The following SCP2 variants were observed in gnomAD, a reference collection of about 807,000 sequenced individuals.
The protein encoded by SCP2 is SCP-2/3-oxoacyl-CoA thiolase.
Under a neutral mutation model 71.4 loss-of-function variants are expected in SCP2, and 48 were observed. That is an observed-to-expected ratio of 0.67 (90% CI 0.53 to 0.86). SCP2 has a LOEUF of 0.86. Among genes scored for constraint, SCP2 ranks in the 40% least tolerant of loss-of-function variants. The probability of loss-of-function intolerance (pLI) is 0.00; values close to 1 mark genes in which losing one functional copy is unlikely to be tolerated. For synonymous variants in SCP2, 220 were observed against 218.1 expected (o/e 1.01, Z -0.08); for missense variants, 560 against 655.6 (o/e 0.85, Z 1.59).
intron 3 of SCP2, among the ~76,000 whole-genome samples, chr1:52,948,460 C>T (rs1045316653): frequency 1.3e-5 from 2 of 151,986 alleles, no homozygotes; most frequent in Admixed American, 6.6e-5. Flanking sequence ...CTGGCTAATA[C>T]GGTGAAACCC....
chr1:52,980,565 G>T (rs766981547), intron 10 of SCP2, 22 bp downstream of exon 10: 1 of 1,603,310 alleles, frequency 6.2e-7, no homozygotes, highest in East Asian at 2.2e-5. Flanking sequence ...GAATAGGGCA[G>T]ATTAATTCAG....
chr1:52,953,701 A>G (rs1655526187), intron 4 of SCP2, among the ~76,000 whole-genome samples: 1 of 151,794 alleles, frequency 6.6e-6, no homozygotes, highest in Non-Finnish European at 1.5e-5. Flanking sequence ...TTTTTCTGTT[A>G]TTAAAAACTT....
Position 53,047,955 on chromosome 1 carries a change from T to G in SCP2, c.1548+18T>G. 1.3e-6 allele frequency: 2 copies of G among 1,548,368 alleles called. No individual in the cohort carries two copies. Among genetic ancestry groups the G allele is most frequent in the South Asian group, 2.2e-5 (2 of 89,762 alleles). On this transcript the variant is annotated intron_variant, in intron 15 of 15. Transcript: ENST00000371514. ...CTCAGTCGGTAAGTATGATGGAGCT[T>G]ATATCCTGCTAGTAGGTAGGTCTTT...
intron 10 of SCP2, among the ~76,000 whole-genome samples, chr1:52,986,404 A>G (rs1658987852): frequency 6.6e-6 from 1 of 152,228 alleles, no homozygotes; most frequent in African/African-American, 2.4e-5. Flanking sequence ...CTAGAGCCTC[A>G]GAGCAATTTC....
chr1:52,940,535 A>G, intron 1 of SCP2: 1 of 154,488 alleles, frequency 6.5e-6, no homozygotes, highest in Middle Eastern at 5.2e-4. Context: ...ATTACTTATT[A>G]GCTCTATGCC....
intron 6 of SCP2, among the ~76,000 whole-genome samples, chr1:52,972,347 G>A (rs571105743): frequency 9.0e-4 from 137 of 152,296 alleles, no homozygotes; most frequent in African/African-American, 3.0e-3. Context: ...TCAGTGGCCA[G>A]GCTTAATAAA....
rs1200663958 is a variant in SCP2 at position 52,970,968 on chromosome 1, ATTTTTTT to A, written c.524-3782_524-3776del. ...TTTTAGAGGCTATAGAGAGACACAG[ATTTTTTT>A]TTTTTTTTTTTTTTTTTTGAGACAG... On this transcript the variant is annotated intron_variant, in intron 6 of 15. Coordinates refer to ENST00000371514, the MANE Select transcript of SCP2 (RefSeq NM_002979.5). 8.3e-4 allele frequency among the ~76,000 whole-genome samples: 59 copies of A among 70,956 alleles called. 1 individual carries two copies. Among genetic ancestry groups the A allele is most frequent in the African/African-American group, 2.9e-3 (40 of 13,816 alleles). The allele number at this position is 70,956 out of a possible 152,430, so 46.5% of individuals were successfully genotyped here. A position where few individuals can be genotyped will look rare whatever the true frequency, so the allele number is the denominator to read the frequency against.
chr1:52,960,106 G>A (rs1456929632), intron 5 of SCP2, among the ~76,000 whole-genome samples: 1 of 151,884 alleles, frequency 6.6e-6, no homozygotes, highest in Admixed American at 6.6e-5. Context: ...TGGCCAGGCT[G>A]GCCTCAAACT....
At chr1:53,048,146 G>T (rs180995960) in intron 15 of SCP2, 223 of 541,768 alleles carry the variant, frequency 4.1e-4, no homozygotes, top group Admixed American at 1.5e-3. Flanking sequence ...AAGTTCCCAC[G>T]CTCAGGGCAT....
At chr1:52,940,902 G>T (rs567063442) in intron 1 of SCP2, among the ~76,000 whole-genome samples, 1 of 152,118 alleles carries the variant, frequency 6.6e-6, no homozygotes, top group African/African-American at 2.4e-5. Flanking sequence ...GGCGTATACC[G>T]CCATGCCTGG....
At position 53,050,798 on chromosome 1, in the gene SCP2, T is replaced by A. The variant is rs1664153625; in HGVS notation, c.*94T>A. 1 of 897,988 alleles carries A rather than the reference T, an allele frequency of 1.1e-6. No homozygotes were observed. The allele number at this position is 897,988 out of a possible 1,614,324, so 55.6% of individuals were successfully genotyped here. A position where few individuals can be genotyped will look rare whatever the true frequency, so the allele number is the denominator to read the frequency against. Reference sequence around the variant, plus strand: ...TCAGAATTTAGACTGAAACTACACATTGGCAAATAGCGTGGGATAGATTTG... The same window carrying A: ...TCAGAATTTAGACTGAAACTACACAATGGCAAATAGCGTGGGATAGATTTG... On this transcript the variant is annotated 3_prime_UTR_variant, in exon 16 of 16. Transcript: ENST00000371514.
intron 11 of SCP2, among the ~76,000 whole-genome samples, chr1:52,988,953 G>T (rs764796672): frequency 6.6e-6 from 1 of 152,044 alleles, no homozygotes; most frequent in Non-Finnish European, 1.5e-5. Flanking sequence ...CAGCCTCCCA[G>T]AGTGCTGGGA....
At chr1:52,994,001 GA>G in intron 11 of SCP2, 2 of 1,228,000 alleles carry the variant, frequency 1.6e-6, no homozygotes, top group Non-Finnish European at 2.1e-6. Flanking sequence ...AATTTGTAAA[GA>G]AAATTTGTTT....
chr1:52,974,629 G>A, intron 6 of SCP2, 140 bp from the exon 7 acceptor site: 1 of 701,570 alleles, frequency 1.4e-6, no homozygotes, highest in Non-Finnish European at 2.7e-6. Flanking sequence ...AGGGAACAGT[G>A]CTGAAGTCTT....
At chr1:52,955,073 T>G (rs967832358) in intron 5 of SCP2, among the ~76,000 whole-genome samples, 1 of 152,228 alleles carries the variant, frequency 6.6e-6, no homozygotes, top group African/African-American at 2.4e-5. Context: ...TAAATGAAAT[T>G]CATTCAACAA....
intron 7 of SCP2, among the ~76,000 whole-genome samples, chr1:52,975,191 A>AT (rs887769979): frequency 3.4e-5 from 5 of 147,432 alleles, no homozygotes; most frequent in Admixed American, 3.4e-4. Context: ...TATTATTATT[A>AT]TTTTTTTTAG....
chr1:52,978,496 T>C (rs1658187209), intron 9 of SCP2, 129 bp downstream of exon 9: 3 of 757,492 alleles, frequency 4.0e-6, no homozygotes, highest in African/African-American at 3.5e-5. Flanking sequence ...TATTTTAAGT[T>C]GACTATGCCT....
At position 52,955,972 on chromosome 1, in the gene SCP2, TG is replaced by T. The variant is rs749530709; in HGVS notation, c.396+1169del. On this transcript the variant is annotated intron_variant, in intron 5 of 15. Coordinates refer to ENST00000371514, the MANE Select transcript of SCP2 (RefSeq NM_002979.5). Reference sequence around the variant, plus strand: ...ATTACAAAAAAGAACATTATTGGCATGAAAAAAAAAAACTAAACAGAATTTA... The same window carrying T: ...ATTACAAAAAAGAACATTATTGGCATAAAAAAAAAAACTAAACAGAATTTA... 8.8e-5 allele frequency among the ~76,000 whole-genome samples: 13 copies of T among 147,760 alleles called. No individual in the cohort carries two copies. The South Asian group carries it at 2.4e-3, about 27-fold the overall frequency.
chr1:53,018,768 A>C (rs1317245958), intron 12 of SCP2, among the ~76,000 whole-genome samples: 1 of 151,864 alleles, frequency 6.6e-6, no homozygotes, highest in Non-Finnish European at 1.5e-5. Context: ...AAAGAAAGAC[A>C]TGGATACAAT....
Sources: gnomAD v4.1 joint callset for allele counts (sites outside exome capture counted in the v4.1 genomes callset) on GRCh38, gnomAD v4.1.1 for gene constraint, MANE v1.5 for transcripts, NCBI Gene and HGNC (gene_info 2026-07-23, HGNC 2026-07-21) for gene names.